CAMK2B: variants seen among roughly 807,000 people sequenced by gnomAD.
The protein encoded by CAMK2B is calcium/calmodulin dependent protein kinase II beta, also known as calcium/calmodulin-dependent protein kinase type II subunit beta.
Under a neutral mutation model 93.7 loss-of-function variants are expected in CAMK2B, and 27 were observed. The observed-to-expected ratio is 0.29, with a 90% CI of 0.21 to 0.40. CAMK2B has a LOEUF of 0.40. Among genes scored for constraint, CAMK2B ranks in the 10% least tolerant of loss-of-function variants. The pLI is 1.00. For missense variants in CAMK2B, 568 were observed against 895.8 expected (o/e 0.63, Z 4.67); for synonymous variants, 374 against 358.8 (o/e 1.04, Z -0.48).
chr7:44,272,859 C>T (rs2096987578), intron 2 of CAMK2B, among the ~76,000 whole-genome samples: 1 of 152,362 alleles, frequency 6.6e-6, no homozygotes, highest in East Asian at 1.9e-4. Context: ...TCAGAACCAT[C>T]CTCCAGCTTG....
intron 1 of CAMK2B, among the ~76,000 whole-genome samples, chr7:44,298,325 T>C (rs2129168022): frequency 6.6e-6 from 1 of 152,342 alleles, no homozygotes; most frequent in Non-Finnish European, 1.5e-5. Flanking sequence ...CTGGGGAAAC[T>C]GGGATACCCA....
Position 44,284,437 on chromosome 7 carries a change from G to C in CAMK2B, c.66-212C>G, listed in dbSNP as rs542395011. Among the ~76,000 whole-genome samples, 7 of 152,386 alleles carry C rather than the reference G, an allele frequency of 4.6e-5. No homozygotes were observed. The East Asian group carries it at 1.2e-3, about 25-fold the overall frequency. Reference sequence around the variant, plus strand: ...CCCCACTCAACACCAGCAGAACAGAGGCCGGCTTCCCGACGGCTGGCAGAG... The same window carrying C: ...CCCCACTCAACACCAGCAGAACAGACGCCGGCTTCCCGACGGCTGGCAGAG... On this transcript the variant is annotated intron_variant, in intron 1 of 23. Coordinates refer to ENST00000395749, the MANE Select transcript of CAMK2B (RefSeq NM_001220.5).
intron 1 of CAMK2B, among the ~76,000 whole-genome samples, chr7:44,313,970 G>A (rs1163237360): frequency 1.3e-5 from 2 of 151,906 alleles, no homozygotes; most frequent in Non-Finnish European, 2.9e-5. Context: ...ATTTCTGCTG[G>A]GGTCCTGAAG....
intron 4 of CAMK2B, 106 bp from the exon 5 acceptor site, chr7:44,254,713 C>T (rs2096817041): frequency 2.7e-6 from 2 of 737,936 alleles, no homozygotes; most frequent in Non-Finnish European, 4.9e-6. Context: ...ATCACCATCA[C>T]TCCCATCATC....
At chr7:44,240,651 T>C in intron 12 of CAMK2B, 56 bp downstream of exon 12, 3 of 1,595,684 alleles carry the variant, frequency 1.9e-6, no homozygotes, top group Non-Finnish European at 2.6e-6. Context: ...GGCGCTCTCC[T>C]GCGTGGGCCA....
intron 13 of CAMK2B, among the ~76,000 whole-genome samples, chr7:44,237,190 G>A (rs1408574560): frequency 1.3e-5 from 2 of 152,258 alleles, no homozygotes. Context: ...TCACAGGAAA[G>A]GAGGCACCAC....
chr7:44,323,929 G>A (rs1469334880), intron 1 of CAMK2B: 1 of 159,910 alleles, frequency 6.3e-6, no homozygotes, highest in South Asian at 1.5e-4. Flanking sequence ...CGCATGAAGG[G>A]GGCTGGGCTC....
At chr7:44,323,700 CTG>C (rs772683134) in intron 1 of CAMK2B, 2 of 154,930 alleles carry the variant, frequency 1.3e-5, no homozygotes, top group Non-Finnish European at 2.9e-5. Context: ...GTGAGGGCCT[CTG>C]TGCTTCTGAG....
At position 44,229,415 on chromosome 7, in the gene CAMK2B, C is replaced by A; in HGVS notation, c.1312G>T (p.Ala438Ser). 1 of 1,513,788 alleles carries A rather than the reference C, an allele frequency of 6.6e-7. No homozygotes were observed. Among genetic ancestry groups the A allele is most frequent in the East Asian group, 2.6e-5 (1 of 38,596 alleles). The allele number at this position is 1,513,788 out of a possible 1,614,324, so 93.8% of individuals were successfully genotyped here. ...AEGPLPCPSP[A>S]PFSPLPAPSP... is the part of the protein sequence containing the mutation. ...GGGGCTGGCAGGGGGCTAAAGGGAG[C>A]CGGAGATGGGCAGGGCAGGGGCCCC... The change falls in exon 18 of 24, where the codon GCT becomes TCT. Residue 438 changes from alanine (A) to serine (S), a missense_variant. Around this residue, in one of 4 missense-constraint regions of CAMK2B, gnomAD observed 308 missense variants for 292.1 expected, o/e 1.05. Transcript: ENST00000395749.
Position 44,310,792 on chromosome 7 carries a change from G to C in CAMK2B, c.65+14565C>G, listed in dbSNP as rs547548618. On this transcript the variant is annotated intron_variant, in intron 1 of 23. Coordinates refer to ENST00000395749, the MANE Select transcript of CAMK2B (RefSeq NM_001220.5). ...AATGGTGGGTGCCAGGGTGAGGGAA[G>C]GGAATGGGGAGTCGGTATTTAATGG... Among the ~76,000 whole-genome samples the C allele has an allele frequency of 2.5e-4, 38 of 152,302 alleles. 1 individual carries two copies. The South Asian group carries it at 4.4e-3, about 17-fold the overall frequency.
In CAMK2B at chr7:44,225,740, C is replaced by G; in HGVS notation, c.1597+776G>C. 1 of 1,289,418 alleles carries G rather than the reference C, an allele frequency of 7.8e-7. No homozygotes were observed. The highest frequency in any genetic ancestry group is 1.0e-6 in the Non-Finnish European group (1 of 988,734). 79.9% of individuals were successfully genotyped at this position (1,289,418 alleles called of 1,614,324 possible). A position where few individuals can be genotyped will look rare whatever the true frequency, so the allele number is the denominator to read the frequency against. ...CAGAGGGGACGGTGGCAAGCAGACC[C>G]CACCTGTCCCTCAAGTACTTACCTA... On this transcript the variant is annotated intron_variant, in intron 20 of 23. Coordinates refer to ENST00000395749, the MANE Select transcript of CAMK2B (RefSeq NM_001220.5). The surrounding 1 kb of genome is among the most constrained non-coding windows in gnomAD (Gnocchi z 5.0).
intron 1 of CAMK2B, among the ~76,000 whole-genome samples, chr7:44,320,171 G>A (rs930672928): frequency 3.3e-5 from 5 of 152,154 alleles, no homozygotes. Context: ...GGTGTCATAT[G>A]GAGTCAGAGT....
chr7:44,262,971 G>A (rs2096892547), intron 3 of CAMK2B, 34 bp downstream of exon 3: 1 of 1,594,514 alleles, frequency 6.3e-7, no homozygotes, highest in Non-Finnish European at 8.6e-7. Flanking sequence ...AGAAGGTGGG[G>A]ACCCATCCCC....
chr7:44,270,473 A>G (rs1330787445), intron 2 of CAMK2B, among the ~76,000 whole-genome samples: 3 of 152,150 alleles, frequency 2.0e-5, no homozygotes, highest in Admixed American at 1.3e-4. Flanking sequence ...AGGACACCAG[A>G]CTCAGGGCTC....
At chr7:44,285,182 C>T (rs1041063801) in intron 1 of CAMK2B, among the ~76,000 whole-genome samples, 1 of 152,226 alleles carries the variant, frequency 6.6e-6, no homozygotes, top group Non-Finnish European at 1.5e-5. Flanking sequence ...CCAGGAGGCC[C>T]CGCAGAATCT....
At chr7:44,300,020 C>CTGTGTGTGTG (rs143590426) in intron 1 of CAMK2B, among the ~76,000 whole-genome samples, 71 of 141,708 alleles carry the variant, frequency 5.0e-4, no homozygotes, top group East Asian at 1.0e-3. Flanking sequence ...GTGTATGTGT[C>CTGTGTGTGTG]TGTGTGTGTG....
At chr7:44,254,202 C>G (rs576137874) in intron 5 of CAMK2B, among the ~76,000 whole-genome samples, 2 of 152,334 alleles carry the variant, frequency 1.3e-5, no homozygotes, top group East Asian at 3.9e-4. Flanking sequence ...TTCATCCCCC[C>G]GGGGAGGGTC....
At chr7:44,226,690 G>T (rs764608637) in intron 19 of CAMK2B, 46 bp from the exon 20 acceptor site, 9 of 1,440,742 alleles carry the variant, frequency 6.2e-6, no homozygotes, top group Non-Finnish European at 7.3e-6. Context: ...GGCACGGGGG[G>T]CACGCAGGAG....
At chr7:44,291,087 C>T (rs1053085244) in intron 1 of CAMK2B, among the ~76,000 whole-genome samples, 5 of 152,168 alleles carry the variant, frequency 3.3e-5, no homozygotes, top group African/African-American at 9.7e-5. Flanking sequence ...CTATGTCCCC[C>T]GCGCTGTTAA....
Sources: allele counts gnomAD v4.1 joint callset (sites outside exome capture counted in the v4.1 genomes callset), GRCh38; gene constraint gnomAD v4.1.1; regional missense constraint gnomAD v4.1.1; non-coding constraint Gnocchi (gnomAD v3.1); transcripts MANE v1.5; gene names NCBI Gene and HGNC (gene_info 2026-07-23, HGNC 2026-07-21).